The following LHFPL3 variants were observed in gnomAD, a reference collection of about 807,000 sequenced individuals.
LHFPL3 encodes the protein LHFPL tetraspan subfamily member 3 protein.
In LHFPL3, 5 loss-of-function variants were observed where a neutral mutation model predicts 19.3. The observed-to-expected ratio is 0.26, with a 90% CI of 0.14 to 0.54. LHFPL3 has a LOEUF of 0.54. Among genes scored for constraint, LHFPL3 ranks in the 20% least tolerant of loss-of-function variants. LHFPL3 has a pLI of 0.94. For missense variants in LHFPL3, 249 were observed against 307.4 expected (o/e 0.81, Z 1.42); for synonymous variants, 133 against 126.2 (o/e 1.05, Z -0.36).
At position 104,881,975 on chromosome 7, in the gene LHFPL3, G is replaced by A. The variant is rs992634409; in HGVS notation, c.683-24212G>A. ...TATTTTTTAGATGTAATGCTACTGC[G>A]CACTTACCAGTCTACAGGATGCTAT... is the stretch of plus-strand genomic sequence containing the variant. On this transcript the variant is annotated intron_variant, in intron 2 of 2. Transcript: ENST00000424859. Among the ~76,000 whole-genome samples the A allele has an allele frequency of 3.3e-5, 5 of 152,204 alleles. No homozygotes were observed. The East Asian group carries it at 5.8e-4, about 18-fold the overall frequency.
intron 2 of LHFPL3, among the ~76,000 whole-genome samples, chr7:104,852,654 C>T (rs1791433638): frequency 1.3e-5 from 2 of 152,274 alleles, no homozygotes; most frequent in African/African-American, 4.8e-5. Flanking sequence ...TGCAGTCCCA[C>T]AGGGACCCAA....
At chr7:104,716,976 T>G (rs1793399357) in intron 1 of LHFPL3, among the ~76,000 whole-genome samples, 1 of 152,166 alleles carries the variant, frequency 6.6e-6, no homozygotes, top group Non-Finnish European at 1.5e-5. Context: ...AAGACAGACA[T>G]GTAGTCCAGT....
At chr7:104,839,280 G>A (rs902980211) in intron 2 of LHFPL3, among the ~76,000 whole-genome samples, 8 of 152,156 alleles carry the variant, frequency 5.3e-5, no homozygotes, top group African/African-American at 1.2e-4. Flanking sequence ...TGTATAAAGT[G>A]CATTTCAGCC....
intron 2 of LHFPL3, among the ~76,000 whole-genome samples, chr7:104,819,416 C>A (rs1229712433): frequency 4.0e-5 from 6 of 151,066 alleles, no homozygotes; most frequent in Non-Finnish European, 7.4e-5. Flanking sequence ...CAATTACTTA[C>A]CTTCATCCTT....
At position 104,365,787 on chromosome 7, in the gene LHFPL3, CA is replaced by C. The variant is rs571171040; in HGVS notation, c.445+36581del. ...TGGGCGACAGAGCGAGACTCCGTCT[CA>C]AAAAAAAAAAAAAAAAAGAAAAGCC... On this transcript the variant is annotated intron_variant, in intron 1 of 2. Coordinates refer to ENST00000424859, the MANE Select transcript of LHFPL3 (RefSeq NM_199000.3). Among the ~76,000 whole-genome samples the C allele has an allele frequency of 1.6e-3, 78 of 49,968 alleles. 1 individual carries two copies. The highest frequency in any genetic ancestry group is 4.6e-3 in the African/African-American group (56 of 12,148). The allele number at this position is 49,968 out of a possible 152,430, so 32.8% of individuals were successfully genotyped here.
intron 2 of LHFPL3, among the ~76,000 whole-genome samples, chr7:104,903,715 C>CGG (rs1792539754): frequency 6.6e-6 from 1 of 152,208 alleles, no homozygotes. Flanking sequence ...ATCTGCCCAC[C>CGG]TTGGCCTCCC....
intron 1 of LHFPL3, among the ~76,000 whole-genome samples, chr7:104,435,247 ATCC>A (rs886569758): frequency 1.4e-4 from 22 of 152,068 alleles, no homozygotes; most frequent in African/African-American, 5.3e-4. Context: ...GGCCCAAGGG[ATCC>A]TCCTGCCTCA....
intron 1 of LHFPL3, among the ~76,000 whole-genome samples, chr7:104,470,684 G>A (rs891749846): frequency 1.3e-5 from 2 of 152,196 alleles, no homozygotes; most frequent in African/African-American, 2.4e-5. Flanking sequence ...AGGTCACACA[G>A]GTAGTAAGGG....
chr7:104,505,317 A>C lies in LHFPL3; in HGVS notation c.445+176093A>C, dbSNP rs62485118. 7.8e-3 allele frequency among the ~76,000 whole-genome samples: 1,190 copies of C among 152,372 alleles called. 28 individuals carry two copies. In the East Asian group the frequency reaches 0.091, roughly 12 times the overall value. On this transcript the variant is annotated intron_variant, in intron 1 of 2. Coordinates refer to ENST00000424859, the MANE Select transcript of LHFPL3 (RefSeq NM_199000.3). ...GGCTGCATTTATTTTTAAAGCCGTC[A>C]CATTCAAATGAGATATGGAAATGAA...
chr7:104,834,873 T>C (rs1161962966), intron 2 of LHFPL3, among the ~76,000 whole-genome samples: 3 of 152,034 alleles, frequency 2.0e-5, no homozygotes, highest in Non-Finnish European at 4.4e-5. Flanking sequence ...CTTAGGTCCA[T>C]TGTAACCTTG....
chr7:104,371,701 A>G (rs1199652940), intron 1 of LHFPL3, among the ~76,000 whole-genome samples: 1 of 152,178 alleles, frequency 6.6e-6, no homozygotes, highest in East Asian at 1.9e-4. Context: ...TAATCAGTTC[A>G]ATAGGCTATG....
chr7:104,711,944 T>G (rs1433488170), intron 1 of LHFPL3, among the ~76,000 whole-genome samples: 1 of 152,212 alleles, frequency 6.6e-6, no homozygotes, highest in Admixed American at 6.5e-5. Context: ...TGTGTAACAT[T>G]ATGTGGTATA....
intron 1 of LHFPL3, among the ~76,000 whole-genome samples, chr7:104,564,160 A>G (rs1790074304): frequency 6.6e-6 from 1 of 152,214 alleles, no homozygotes. Context: ...CACACCTGAC[A>G]GAATCAGGAT....
chr7:104,370,698 A>C (rs1208122716), intron 1 of LHFPL3, among the ~76,000 whole-genome samples: 1 of 152,138 alleles, frequency 6.6e-6, no homozygotes, highest in Non-Finnish European at 1.5e-5. Context: ...CCTGGCCAAC[A>C]TGGTGAAACC....
chr7:104,438,601 T>G (rs10085883), intron 1 of LHFPL3, among the ~76,000 whole-genome samples: 1 of 151,952 alleles, frequency 6.6e-6, no homozygotes, highest in African/African-American at 2.4e-5. Flanking sequence ...TTAAGAGAAA[T>G]TTATAGCTTA....
At chr7:104,551,635 C>T (rs1459239693) in intron 1 of LHFPL3, among the ~76,000 whole-genome samples, 1 of 152,014 alleles carries the variant, frequency 6.6e-6, no homozygotes. Flanking sequence ...AGTTACAGTG[C>T]CAGTGACAGA....
At chr7:104,847,174 T>A (rs1791329243) in intron 2 of LHFPL3, among the ~76,000 whole-genome samples, 1 of 152,190 alleles carries the variant, frequency 6.6e-6, no homozygotes, top group Non-Finnish European at 1.5e-5. Flanking sequence ...TAGTTTGGGG[T>A]TATCCAGCTG....
At chr7:104,630,685 CTTG>C (rs1476146250) in intron 1 of LHFPL3, among the ~76,000 whole-genome samples, 1 of 152,012 alleles carries the variant, frequency 6.6e-6, no homozygotes, top group Admixed American at 6.6e-5. Flanking sequence ...TCTCATGGCC[CTTG>C]TATATCAGTC....
intron 2 of LHFPL3, among the ~76,000 whole-genome samples, chr7:104,779,387 A>G (rs1476658393): frequency 2.0e-5 from 3 of 152,176 alleles, no homozygotes; most frequent in African/African-American, 4.8e-5. Context: ...TGTATGTTTC[A>G]TAACCAAAAT....
Sources: allele counts gnomAD v4.1 joint callset (sites outside exome capture counted in the v4.1 genomes callset), GRCh38; gene constraint gnomAD v4.1.1; transcripts MANE v1.5; gene names NCBI Gene and HGNC (gene_info 2026-07-23, HGNC 2026-07-21).